Variants in CD53 observed in about 807,000 individuals in gnomAD.
CD53 encodes the protein leukocyte surface antigen CD53.
CD53 carries 20 observed loss-of-function variants against 27.3 expected under a neutral mutation model. That is an observed-to-expected ratio of 0.73 (90% CI 0.52 to 1.07). The LOEUF (loss-of-function observed/expected upper bound fraction) is 1.07. Ranked by LOEUF, CD53 falls within the 50% of genes least tolerant of loss-of-function variation. The pLI is 0.00. For synonymous variants in CD53, 106 were observed against 105.3 expected (o/e 1.01, Z -0.04); for missense variants, 216 against 264.0 (o/e 0.82, Z 1.26).
At position 110,891,573 on chromosome 1, in the gene CD53, G is replaced by A. The variant is rs995487389; in HGVS notation, c.63+102G>A. Reference sequence around the variant, plus strand: ...CTGGTGTGGGGTAAAATGCATGCGTGTTTGGGTCATGTCCAGCACAACCAT... The same window carrying A: ...CTGGTGTGGGGTAAAATGCATGCGTATTTGGGTCATGTCCAGCACAACCAT... On this transcript the variant is annotated intron_variant, in intron 2 of 7. Transcript: ENST00000271324. The A allele has an allele frequency of 1.1e-5, 9 of 853,118 alleles. No homozygotes were observed. In the East Asian group the frequency reaches 2.0e-4, roughly 19 times the overall value. The allele number at this position is 853,118 out of a possible 1,614,324, so 52.8% of individuals were successfully genotyped here. A position where few individuals can be genotyped will look rare whatever the true frequency, so the allele number is the denominator to read the frequency against.
At chr1:110,885,471 G>A (rs1192334730) in intron 1 of CD53, among the ~76,000 whole-genome samples, 4 of 152,142 alleles carry the variant, frequency 2.6e-5, no homozygotes, top group African/African-American at 9.7e-5. Context: ...CGGGGAGGCG[G>A]AGCTTGCAGT....
intron 6 of CD53, 141 bp from the exon 7 acceptor site, chr1:110,897,668 A>G (rs940112052): frequency 2.4e-5 from 12 of 496,170 alleles, no homozygotes; most frequent in Non-Finnish European, 4.0e-5. Flanking sequence ...TTCTTCATTC[A>G]CGCAAAGAAA....
At chr1:110,872,568 G>A (rs1236719398), upstream of CD53, among the ~76,000 whole-genome samples, 3 of 152,186 alleles carry the variant, frequency 2.0e-5, no homozygotes. Context: ...CAGTGCCCCT[G>A]GGATTATGCC....
intron 5 of CD53, among the ~76,000 whole-genome samples, chr1:110,895,486 G>A (rs1020355689): frequency 6.6e-6 from 1 of 152,112 alleles, no homozygotes; most frequent in African/African-American, 2.4e-5. Flanking sequence ...ACGTGTATAT[G>A]TACAGCATAT....
intron 1 of CD53, among the ~76,000 whole-genome samples, chr1:110,878,504 G>A (rs1456983595): frequency 6.6e-6 from 1 of 151,876 alleles, no homozygotes; most frequent in Non-Finnish European, 1.5e-5. Context: ...CTGGGAGGTG[G>A]GATTTCAGAA....
Position 110,899,456 on chromosome 1 carries a change from A to G in CD53, c.*261A>G, listed in dbSNP as rs1230525303. The G allele has an allele frequency of 1.4e-5, 5 of 350,912 alleles. No homozygotes were observed. The highest frequency in any genetic ancestry group is 4.3e-5 in the African/African-American group (2 of 46,848). 21.7% of individuals were successfully genotyped at this position (350,912 alleles called of 1,614,324 possible). A position where few individuals can be genotyped will look rare whatever the true frequency, so the allele number is the denominator to read the frequency against. ...CTAATATCTGAGCATCTTTTAGACAAGAGAGGCAAAGACAAACTGGATTTA... is the reference window on the plus strand; with the variant it reads ...CTAATATCTGAGCATCTTTTAGACAGGAGAGGCAAAGACAAACTGGATTTA... On this transcript the variant is annotated 3_prime_UTR_variant, in exon 8 of 8. Coordinates refer to ENST00000271324, the MANE Select transcript of CD53 (RefSeq NM_000560.4).
chr1:110,875,564 A>T (rs2101035912), intron 1 of CD53, among the ~76,000 whole-genome samples: 1 of 152,240 alleles, frequency 6.6e-6, no homozygotes, highest in Admixed American at 6.5e-5. Flanking sequence ...CTGCGTCCCT[A>T]GATTAGTCAG....
chr1:110,894,367 C>G lies in CD53; in HGVS notation c.293C>G (p.Thr98Ser), dbSNP rs150204756. 13 of 1,613,890 alleles carry G rather than the reference C, an allele frequency of 8.1e-6. No homozygotes were observed. Among genetic ancestry groups the G allele is most frequent in the Non-Finnish European group, 1.1e-5 (13 of 1,179,944 alleles). ...CTGATTATCCTCCTTGCTGAGGTGA[C>G]CTTGGCCATCCTGCTCTTTGTATAT... is the stretch of plus-strand genomic sequence containing the variant. ...LLLIILLAEV[T>S]LAILLFVYEQ... Residue 98 changes from threonine to serine, a missense_variant, in exon 4 of 8, where the codon ACC becomes AGC. Coordinates refer to ENST00000271324, the MANE Select transcript of CD53 (RefSeq NM_000560.4).
chr1:110,891,259 T>C, intron 1 of CD53, 133 bp from the exon 2 acceptor site: 1 of 660,962 alleles, frequency 1.5e-6, no homozygotes, highest in East Asian at 2.7e-5. Flanking sequence ...GCGCAGAGTT[T>C]GGGGAAACTT....
chr1:110,875,616 A>C (rs1656099619), intron 1 of CD53, among the ~76,000 whole-genome samples: 1 of 152,140 alleles, frequency 6.6e-6, no homozygotes, highest in Non-Finnish European at 1.5e-5. Context: ...CACTGTGTGT[A>C]GATCACCCTG....
chr1:110,873,784 T>C (rs938382243), intron 1 of CD53, among the ~76,000 whole-genome samples: 1 of 152,194 alleles, frequency 6.6e-6, no homozygotes, highest in Admixed American at 6.5e-5. Flanking sequence ...AACACCAGGA[T>C]GTGCTCAGTA....
rs1446723813 is a variant in CD53 at position 110,897,813 on chromosome 1, GC to G, written c.510del (p.Tyr171MetfsTer24). ...SCPSDRKVEG[C>X]YAKARLWFHS... Reference sequence around the variant, plus strand: ...TGTAACTGAAATGTCTTCTAGGGTTGCTATGCGAAAGCAAGACTGTGGTTTC... The same window carrying G: ...TGTAACTGAAATGTCTTCTAGGGTTGTATGCGAAAGCAAGACTGTGGTTTC... On this transcript the variant is annotated frameshift_variant, in exon 7 of 8. Transcript: ENST00000271324. LOFTEE classifies it high-confidence loss of function. 1 of 1,597,694 alleles carries G rather than the reference GC, an allele frequency of 6.3e-7. No homozygotes were observed. Among genetic ancestry groups the G allele is most frequent in the Non-Finnish European group, 8.6e-7 (1 of 1,165,576 alleles).
intron 6 of CD53, among the ~76,000 whole-genome samples, chr1:110,897,133 C>T (rs1657102436): frequency 6.6e-6 from 1 of 152,140 alleles, no homozygotes; most frequent in South Asian, 2.1e-4. Flanking sequence ...ATGGCAGAAT[C>T]CAGCCCCTTA....
intron 1 of CD53, among the ~76,000 whole-genome samples, chr1:110,889,405 A>C (rs1656758463): frequency 1.3e-5 from 2 of 151,962 alleles, no homozygotes; most frequent in Non-Finnish European, 2.9e-5. Flanking sequence ...AAAAAAATAC[A>C]AAAATTAGCC....
In CD53 at chr1:110,892,409, T is replaced by C; in HGVS notation, c.128T>C (p.Leu43Pro). ...YLLIHNNFGV[L>P]FHNLPSLTLG... is the part of the protein sequence containing the mutation. ...CTGATCCACAACAACTTCGGAGTGC[T>C]CTTCCATAACCTCCCCTCCCTCACG... The change falls in exon 3 of 8, where the codon CTC (leucine) becomes CCC (proline). Residue 43 changes from leucine to proline, a missense_variant. Leu to Pro is a moderately conservative substitution (Grantham distance 98). Coordinates refer to ENST00000271324, the MANE Select transcript of CD53 (RefSeq NM_000560.4). 1 of 1,613,990 alleles carries C rather than the reference T, an allele frequency of 6.2e-7. No individual in the cohort carries two copies.
intron 1 of CD53, among the ~76,000 whole-genome samples, chr1:110,876,520 T>A (rs964855648): frequency 6.6e-6 from 1 of 152,190 alleles, no homozygotes; most frequent in East Asian, 1.9e-4. Flanking sequence ...GAGAACTAGA[T>A]TGAGGAATAG....
Position 110,892,398 on chromosome 1 carries a change from C to T in CD53, c.117C>T (p.Asn39=), listed in dbSNP as rs2101060599. ...GGATCTACCTGCTGATCCACAACAA[C>T]TTCGGAGTGCTCTTCCATAACCTCC... ...GFGIYLLIHN[N]FGVLFHNLPS... is the part of the protein sequence containing the mutation. The change falls in exon 3 of 8, where the codon AAC becomes AAT. Residue 39 remains asparagine (N), a synonymous_variant. Coordinates refer to ENST00000271324, the MANE Select transcript of CD53 (RefSeq NM_000560.4). 2 of 1,614,022 alleles carry T rather than the reference C, an allele frequency of 1.2e-6. No homozygotes were observed. Among genetic ancestry groups the T allele is most frequent in the Non-Finnish European group, 1.7e-6 (2 of 1,179,848 alleles).
rs1477548490 is a variant in CD53 at position 110,899,107 on chromosome 1, C to A, written c.589-17C>A. The A allele has an allele frequency of 2.5e-6, 4 of 1,609,814 alleles. No individual in the cohort carries two copies. The highest frequency in any genetic ancestry group is 3.4e-6 in the Non-Finnish European group (4 of 1,176,816). ...TTTTCTTATGAAGACTTCAAATTTTCCCAACTCTTTTCACAGGTGTTGGGG... is the reference window on the plus strand; with the variant it reads ...TTTTCTTATGAAGACTTCAAATTTTACCAACTCTTTTCACAGGTGTTGGGG... On this transcript the variant is annotated splice_polypyrimidine_tract_variant and intron_variant, in intron 7 of 7. Coordinates refer to ENST00000271324, the MANE Select transcript of CD53 (RefSeq NM_000560.4).
rs569852560 is a variant in CD53 at position 110,898,367 on chromosome 1, ACT to A, written c.588+478_588+479del. 2.9e-3 allele frequency among the ~76,000 whole-genome samples: 365 copies of A among 126,988 alleles called. 1 individual carries two copies. Among genetic ancestry groups the A allele is most frequent in the African/African-American group, 9.9e-3 (351 of 35,508 alleles). The allele number at this position is 126,988 out of a possible 152,430, so 83.3% of individuals were successfully genotyped here. On this transcript the variant is annotated intron_variant, in intron 7 of 7. Transcript: ENST00000271324. The stretch of plus-strand genomic sequence containing the variant: ...ACTCCTGCCTGGGCGACAGAGCGAG[ACT>A]CTGTCTCCAGAAAAAAAAAAAAAAA...
Sources: gnomAD v4.1 joint callset for allele counts (sites outside exome capture counted in the v4.1 genomes callset) on GRCh38, gnomAD v4.1.1 for gene constraint, MANE v1.5 for transcripts, NCBI Gene and HGNC (gene_info 2026-07-23, HGNC 2026-07-21) for gene names.